The following MFSD11 variants were observed in gnomAD, a reference collection of about 807,000 sequenced individuals.
MFSD11 encodes UNC93-like protein MFSD11.
Under a neutral mutation model 53.5 loss-of-function variants are expected in MFSD11, and 36 were observed. That is an observed-to-expected ratio of 0.67 (90% CI 0.52 to 0.89). The LOEUF (loss-of-function observed/expected upper bound fraction) is 0.89, where lower values mean the gene tolerates loss of function less well. Ranked by LOEUF, MFSD11 falls within the 40% of genes least tolerant of loss-of-function variation. The pLI is 0.00. For synonymous variants in MFSD11, 186 were observed against 184.9 expected (o/e 1.01, Z -0.05); for missense variants, 530 against 543.9 (o/e 0.97, Z 0.25).
At chr17:76,747,755 A>G (rs558675158) in intron 7 of MFSD11, among the ~76,000 whole-genome samples, 2 of 152,320 alleles carry the variant, frequency 1.3e-5, no homozygotes, top group East Asian at 1.9e-4. Context: ...TGTTGGTCCT[A>G]GAGGACAAAT....
chr17:76,768,532 G>T (rs2081080302), intron 9 of MFSD11, among the ~76,000 whole-genome samples: 1 of 152,028 alleles, frequency 6.6e-6, no homozygotes, highest in Non-Finnish European at 1.5e-5. Flanking sequence ...CACAGTTAAG[G>T]TTTTGTAGCA....
At chr17:76,769,999 GT>G in intron 10 of MFSD11, 128 bp downstream of exon 10, 1 of 626,468 alleles carries the variant, frequency 1.6e-6, no homozygotes, top group Non-Finnish European at 2.5e-6. Context: ...CCAAACGTGT[GT>G]TTTTATTTTT....
intron 8 of MFSD11, among the ~76,000 whole-genome samples, chr17:76,762,702 C>A (rs1162389862): frequency 6.7e-6 from 1 of 149,382 alleles, no homozygotes; most frequent in Non-Finnish European, 1.5e-5. Context: ...TAGTGAGACT[C>A]ACATTTATTC....
chr17:76,748,084 AAGAGGGGGAG>A (rs954585578), intron 7 of MFSD11: 2 of 115,928 alleles, frequency 1.7e-5, no homozygotes, highest in African/African-American at 6.5e-5. Flanking sequence ...AAGACTGTGA[AAGAGGGGGAG>A]AGTGGGGGGG....
chr17:76,783,133 C>T (rs59826770), downstream of MFSD11, among the ~76,000 whole-genome samples: 4,657 of 148,674 alleles, frequency 0.031, 257 homozygotes, highest in African/African-American at 0.11. Context: ...GCCAAGATCA[C>T]GCCACTGCAC....
the MFSD11 span, among the ~76,000 whole-genome samples, chr17:76,800,489 T>C: frequency 2.6e-5 from 4 of 152,222 alleles, no homozygotes; most frequent in African/African-American, 9.6e-5. Flanking sequence ...TCTCTTTGTA[T>C]TGGTGTGGCC....
At chr17:76,780,427 C>G (rs372400631), downstream of MFSD11, among the ~76,000 whole-genome samples, 2 of 151,422 alleles carry the variant, frequency 1.3e-5, no homozygotes, top group Non-Finnish European at 1.5e-5. Context: ...GCCATGGCCT[C>G]GCAAAGTGCT....
Position 76,778,233 on chromosome 17 carries a change from C to T in MFSD11, c.1231C>T (p.Leu411Phe). 6.2e-7 allele frequency: 1 copy of T among 1,614,192 alleles called. No homozygotes were observed. Among genetic ancestry groups the T allele is most frequent in the Non-Finnish European group, 8.5e-7 (1 of 1,180,038 alleles). Residue 411 changes from leucine to phenylalanine, a missense_variant, in exon 13 of 13, where the codon CTT becomes TTT. By Grantham distance (22) the Leu-to-Phe change is conservative. Coordinates refer to ENST00000685175, the MANE Select transcript of MFSD11 (RefSeq NM_001242532.5). ...ATTTTTCTACAGCAACTACCTTCTC[C>T]TTCACTGGCAACTCCTGGTCATGGT... ...VAFFYSNYLL[L>F]HWQLLVMVIF... is the part of the protein sequence containing the mutation.
chr17:76,767,477 C>T (rs748172364), intron 9 of MFSD11, 26 bp downstream of exon 9: 4 of 1,406,972 alleles, frequency 2.8e-6, no homozygotes, highest in Non-Finnish European at 4.0e-6. Context: ...TTCTTATTTT[C>T]TCTTGCTGCA....
At chr17:76,737,085 A>C, upstream of MFSD11, 1 of 1,612,184 alleles carries the variant, frequency 6.2e-7, no homozygotes, top group Non-Finnish European at 8.5e-7. Context: ...GTGTCGGGCG[A>C]GGTGCGGTAG....
At chr17:76,751,524 C>T (rs575447373) in intron 7 of MFSD11, among the ~76,000 whole-genome samples, 116 of 151,724 alleles carry the variant, frequency 7.6e-4, no homozygotes, top group South Asian at 4.0e-3. Flanking sequence ...AATACTGTCT[C>T]TGCAAAAATT....
intron 8 of MFSD11, among the ~76,000 whole-genome samples, chr17:76,756,324 A>G (rs372460616): frequency 9.3e-5 from 14 of 150,118 alleles, no homozygotes; most frequent in African/African-American, 3.2e-4. Context: ...GGGTTTCTCC[A>G]TTTTGGCCAG....
chr17:76,794,658 A>T, the MFSD11 span, among the ~76,000 whole-genome samples: 1 of 146,654 alleles, frequency 6.8e-6, no homozygotes, highest in Non-Finnish European at 1.5e-5. Flanking sequence ...AAAAAAAAAA[A>T]AAATCTGAAG....
the MFSD11 span, among the ~76,000 whole-genome samples, chr17:76,797,833 T>A: frequency 6.6e-6 from 1 of 151,854 alleles, no homozygotes; most frequent in South Asian, 2.1e-4. Flanking sequence ...GGAGTTCCTA[T>A]AATCCCCAGC....
chr17:76,742,378 C>T (rs756350919), intron 5 of MFSD11, 105 bp downstream of exon 5: 11 of 897,150 alleles, frequency 1.2e-5, no homozygotes, highest in Non-Finnish European at 1.9e-5. Flanking sequence ...TGTTACGTGA[C>T]TTAAGTTCTA....
chr17:76,772,728 G>A (rs145540043), intron 10 of MFSD11, among the ~76,000 whole-genome samples: 2,300 of 152,070 alleles, frequency 0.015, 57 homozygotes, highest in African/African-American at 0.052. Flanking sequence ...ATGTTGGCCA[G>A]GCTGGTCTCA....
intron 10 of MFSD11, among the ~76,000 whole-genome samples, 168 bp downstream of exon 10, chr17:76,770,039 T>C (rs1436385523): frequency 6.8e-6 from 1 of 148,066 alleles, no homozygotes; most frequent in Non-Finnish European, 1.5e-5. Context: ...TTCTTTTTTT[T>C]TTTTTTTTTC....
chr17:76,798,645 T>C, the MFSD11 span, among the ~76,000 whole-genome samples: 3 of 152,130 alleles, frequency 2.0e-5, no homozygotes, highest in Admixed American at 2.0e-4. Flanking sequence ...TTTCTTATTA[T>C]ATCACATCTA....
chr17:76,782,660 A>C (rs1486204798), downstream of MFSD11, among the ~76,000 whole-genome samples: 4 of 149,994 alleles, frequency 2.7e-5, no homozygotes, highest in Non-Finnish European at 5.9e-5. Flanking sequence ...TGTATTTTTT[A>C]GTAGAGATGG....
Sources: allele counts gnomAD v4.1 joint callset (sites outside exome capture counted in the v4.1 genomes callset), GRCh38; gene constraint gnomAD v4.1.1; transcripts MANE v1.5; gene names NCBI Gene and HGNC (gene_info 2026-07-23, HGNC 2026-07-21).